Variants in CTNNA3 observed in about 807,000 individuals in gnomAD.
The protein encoded by CTNNA3 is catenin alpha-3.
CTNNA3 carries 76 observed loss-of-function variants against 95.7 expected under a neutral mutation model. The ratio of observed to expected loss-of-function variants is 0.79; its 90% CI spans 0.66 to 0.96. The LOEUF (loss-of-function observed/expected upper bound fraction) is 0.96, where lower values mean the gene tolerates loss of function less well. CTNNA3 is among the 40% of genes least tolerant of loss of function. The probability of loss-of-function intolerance (pLI) is 0.00; values close to 1 mark genes in which losing one functional copy is unlikely to be tolerated. For synonymous variants in CTNNA3, 431 were observed against 374.4 expected (o/e 1.15, Z -1.74); for missense variants, 1,191 against 1,089.8 (o/e 1.09, Z -1.31).
At chr10:66,237,233 G>A (rs2089899047) in intron 13 of CTNNA3, among the ~76,000 whole-genome samples, 1 of 152,102 alleles carries the variant, frequency 6.6e-6, no homozygotes. Flanking sequence ...GTATATGGAA[G>A]GCAGGATGGC....
chr10:66,178,959 T>TA (rs1381702271), intron 13 of CTNNA3, among the ~76,000 whole-genome samples: 2 of 151,984 alleles, frequency 1.3e-5, no homozygotes, highest in African/African-American at 4.8e-5. Flanking sequence ...AATTGGAATG[T>TA]AAAATGACAC....
At chr10:67,561,023 C>A (rs1323520124) in intron 3 of CTNNA3, among the ~76,000 whole-genome samples, 1 of 149,874 alleles carries the variant, frequency 6.7e-6, no homozygotes, top group African/African-American at 2.5e-5. Context: ...ACTTAGACTC[C>A]CACACAATAA....
At chr10:67,704,241 A>G (rs1235338960) in intron 1 of CTNNA3, among the ~76,000 whole-genome samples, 3 of 152,218 alleles carry the variant, frequency 2.0e-5, no homozygotes, top group East Asian at 1.9e-4. Context: ...CCATCAAGCT[A>G]CCAATGACTT....
chr10:67,470,541 T>C (rs1189579500), intron 5 of CTNNA3, among the ~76,000 whole-genome samples: 3 of 152,160 alleles, frequency 2.0e-5, no homozygotes, highest in Non-Finnish European at 2.9e-5. Flanking sequence ...CATTATATAT[T>C]TGATAGATCA....
chr10:67,453,743 T>C (rs1379536054), intron 5 of CTNNA3, among the ~76,000 whole-genome samples: 1 of 152,196 alleles, frequency 6.6e-6, no homozygotes, highest in Non-Finnish European at 1.5e-5. Context: ...TTCCCAGGCT[T>C]TGTTGTGAAT....
chr10:67,241,636 T>C lies in CTNNA3; in HGVS notation c.580-21766A>G, dbSNP rs946583390. On this transcript the variant is annotated intron_variant, in intron 5 of 17. Transcript: ENST00000433211. ...AGCAAACAGAATCACTTAGATCAAA[T>C]AGGGTCCAAAGCCCAGGGATGTTGA... is the stretch of plus-strand genomic sequence containing the variant. Among the ~76,000 whole-genome samples the C allele has an allele frequency of 2.6e-5, 4 of 152,194 alleles. No individual in the cohort carries two copies. The South Asian group carries it at 6.2e-4, about 24-fold the overall frequency.
At chr10:66,667,861 T>C (rs1040288854) in intron 9 of CTNNA3, among the ~76,000 whole-genome samples, 3 of 152,132 alleles carry the variant, frequency 2.0e-5, no homozygotes, top group Non-Finnish European at 4.4e-5. Flanking sequence ...CTGTTTGTTT[T>C]CATGGGCATA....
At chr10:66,510,990 G>A (rs1365257648) in intron 11 of CTNNA3, among the ~76,000 whole-genome samples, 1 of 151,790 alleles carries the variant, frequency 6.6e-6, no homozygotes, top group Non-Finnish European at 1.5e-5. Context: ...AAGTTTGCTA[G>A]AATTCATTAG....
At chr10:66,128,793 T>C (rs796126886) in intron 13 of CTNNA3, among the ~76,000 whole-genome samples, 8 of 152,238 alleles carry the variant, frequency 5.3e-5, no homozygotes, top group African/African-American at 1.9e-4. Context: ...AAAAATTATG[T>C]GTCAATGTAG....
intron 2 of CTNNA3, among the ~76,000 whole-genome samples, chr10:67,614,119 C>T (rs1411246047): frequency 1.3e-5 from 2 of 152,174 alleles, no homozygotes; most frequent in Admixed American, 6.5e-5. Flanking sequence ...TGTCCCCGCC[C>T]ATGTCCTGCT....
chr10:66,743,984 A>AAAAAAG (rs1849416398), intron 9 of CTNNA3, among the ~76,000 whole-genome samples: 1 of 146,692 alleles, frequency 6.8e-6, no homozygotes, highest in South Asian at 2.2e-4. Flanking sequence ...CAAAAAAAAA[A>AAAAAAG]AAAAAAAAAA....
chr10:66,380,559 G>A (rs1219902946), intron 11 of CTNNA3, among the ~76,000 whole-genome samples: 1 of 151,184 alleles, frequency 6.6e-6, no homozygotes, highest in Admixed American at 6.6e-5. Context: ...AGTGAGCTTT[G>A]ATCATGCCAC....
At chr10:67,002,169 T>C (rs962192014) in intron 7 of CTNNA3, among the ~76,000 whole-genome samples, 1 of 152,186 alleles carries the variant, frequency 6.6e-6, no homozygotes, top group Non-Finnish European at 1.5e-5. Flanking sequence ...TTTCCCCTTT[T>C]TGAATTTTCC....
intron 9 of CTNNA3, among the ~76,000 whole-genome samples, chr10:66,755,448 C>T (rs1197506272): frequency 6.6e-6 from 1 of 151,520 alleles, no homozygotes; most frequent in Non-Finnish European, 1.5e-5. Flanking sequence ...ACTTATATCT[C>T]GATAATAGAT....
At chr10:66,078,487 A>G (rs187649520) in intron 14 of CTNNA3, among the ~76,000 whole-genome samples, 1 of 152,020 alleles carries the variant, frequency 6.6e-6, no homozygotes, top group Admixed American at 6.6e-5. Flanking sequence ...CAGTCAAGAA[A>G]ACAATAATGG....
intron 7 of CTNNA3, among the ~76,000 whole-genome samples, chr10:66,945,229 G>A (rs1041591359): frequency 7.2e-5 from 11 of 152,198 alleles, no homozygotes; most frequent in African/African-American, 2.7e-4. Flanking sequence ...GTTGTATAGT[G>A]TAACCACCTT....
At chr10:66,324,465 A>G (rs2092229283) in intron 12 of CTNNA3, among the ~76,000 whole-genome samples, 1 of 152,162 alleles carries the variant, frequency 6.6e-6, no homozygotes, top group Admixed American at 6.5e-5. Flanking sequence ...CAGAGAGTCC[A>G]CTGAACTGGT....
At chr10:65,973,912 C>G (rs747645371) in intron 16 of CTNNA3, among the ~76,000 whole-genome samples, 9 of 152,062 alleles carry the variant, frequency 5.9e-5, no homozygotes, top group Non-Finnish European at 4.4e-5. Flanking sequence ...TTGGGAAGGA[C>G]AAATGCCAAA....
chr10:65,951,693 A>C (rs2077616586), intron 17 of CTNNA3, among the ~76,000 whole-genome samples: 1 of 151,902 alleles, frequency 6.6e-6, no homozygotes, highest in African/African-American at 2.4e-5. Context: ...TCATTTCAGT[A>C]GCAATGAAGT....
Sources: allele counts gnomAD v4.1 joint callset (sites outside exome capture counted in the v4.1 genomes callset), GRCh38; gene constraint gnomAD v4.1.1; transcripts MANE v1.5; gene names NCBI Gene and HGNC (gene_info 2026-07-23, HGNC 2026-07-21).